Variants in CCDC172 observed in about 807,000 individuals in gnomAD.
CCDC172 encodes coiled-coil domain containing 172, also known as coiled-coil domain-containing protein 172.
Under a neutral mutation model 38.0 loss-of-function variants are expected in CCDC172, and 30 were observed. That is an observed-to-expected ratio of 0.79 (90% confidence interval 0.59 to 1.07). The LOEUF is 1.07. Among genes scored for constraint, CCDC172 ranks in the 50% least tolerant of loss-of-function variants. The probability of loss-of-function intolerance (pLI) is 0.00; values close to 1 mark genes in which losing one functional copy is unlikely to be tolerated. For missense variants in CCDC172, 297 were observed against 290.1 expected, an observed-to-expected ratio of 1.02 and a Z score of -0.17; for synonymous variants, 78 against 88.3, an observed-to-expected ratio of 0.88 and a Z score of 0.66.
chr10:116,357,544 C>T lies in CCDC172; in HGVS notation c.550+63C>T, dbSNP rs1226354236. On this transcript the variant is annotated intron_variant, in intron 6 of 8. Transcript: ENST00000333254. ...TATAGTTATATATGCATGATAAGGG[C>T]ATATTATTCTTTTAAAATATATTAA... 9 of 1,269,008 alleles carry T rather than the reference C, an allele frequency of 7.1e-6. No homozygotes were observed. In the South Asian group the frequency reaches 1.2e-4, roughly 16 times the overall value. 78.6% of individuals were successfully genotyped at this position (1,269,008 alleles called of 1,614,324 possible). A position where few individuals can be genotyped will look rare whatever the true frequency, so the allele number is the denominator to read the frequency against.
At chr10:116,378,885 T>C (rs1845280203) in intron 8 of CCDC172, among the ~76,000 whole-genome samples, 1 of 152,204 alleles carries the variant, frequency 6.6e-6, no homozygotes, top group South Asian at 2.1e-4. Flanking sequence ...AGGCATAAAT[T>C]ATACTTTTAT....
chr10:116,356,911 G>A (rs1386394025), intron 5 of CCDC172, among the ~76,000 whole-genome samples: 1 of 152,138 alleles, frequency 6.6e-6, no homozygotes, highest in Non-Finnish European at 1.5e-5. Flanking sequence ...TCCAGCTGGT[G>A]ATTAATAAGT....
At chr10:116,348,669 T>C (rs570297792) in intron 5 of CCDC172, among the ~76,000 whole-genome samples, 1 of 152,236 alleles carries the variant, frequency 6.6e-6, no homozygotes, top group South Asian at 2.1e-4. Flanking sequence ...TTATGTTCTG[T>C]TTAAATATGG....
At chr10:116,339,003 T>C (rs1310512365) in intron 3 of CCDC172, among the ~76,000 whole-genome samples, 1 of 152,036 alleles carries the variant, frequency 6.6e-6, no homozygotes, top group Non-Finnish European at 1.5e-5. Flanking sequence ...GCATTTTTTG[T>C]GGACATTCCT....
At chr10:116,330,934 C>G (rs1844655120) in intron 3 of CCDC172, among the ~76,000 whole-genome samples, 1 of 151,856 alleles carries the variant, frequency 6.6e-6, no homozygotes, top group Admixed American at 6.6e-5. Context: ...GAGACAGGGT[C>G]TTGCTATTTT....
At chr10:116,351,836 T>C (rs571076594) in intron 5 of CCDC172, among the ~76,000 whole-genome samples, 1 of 152,252 alleles carries the variant, frequency 6.6e-6, no homozygotes, top group African/African-American at 2.4e-5. Flanking sequence ...ACTTAAGCAA[T>C]GCAAAATGGT....
rs184014942 is a variant in CCDC172 at position 116,329,503 on chromosome 10, T to C, written c.165+4115T>C. 3.1e-3 allele frequency among the ~76,000 whole-genome samples: 474 copies of C among 152,254 alleles called. 2 individuals are homozygous for C. The highest frequency in any genetic ancestry group is 0.011 in the African/African-American group (444 of 41,562). Reference sequence around the variant, plus strand: ...CATGTGGGACTTTTAGTGCTAACACTAGGACAGCCCCATGCAAATCTTGAT... The same window carrying C: ...CATGTGGGACTTTTAGTGCTAACACCAGGACAGCCCCATGCAAATCTTGAT... On this transcript the variant is annotated intron_variant, in intron 3 of 8. Transcript: ENST00000333254.
Position 116,342,042 on chromosome 10 carries a change from A to T in CCDC172, c.289A>T (p.Ile97Leu), listed in dbSNP as rs866518323. 1 of 1,499,194 alleles carries T rather than the reference A, an allele frequency of 6.7e-7. No individual in the cohort carries two copies. The allele number at this position is 1,499,194 out of a possible 1,614,324, so 92.9% of individuals were successfully genotyped here. A position where few individuals can be genotyped will look rare whatever the true frequency, so the allele number is the denominator to read the frequency against. ...RNMLLQTFEA[I>L]KKQMIEEEDK... ...TTTTATTTATGTTTTTCAGGAGGCT[A>T]TAAAGAAACAAATGATAGAGGAGGA... Residue 97 changes from isoleucine to leucine, a missense_variant, in exon 5 of 9, where the codon ATA becomes TTA. Transcript: ENST00000333254.
chr10:116,350,501 A>G (rs1165177992), intron 5 of CCDC172, among the ~76,000 whole-genome samples: 3 of 152,234 alleles, frequency 2.0e-5, no homozygotes, highest in East Asian at 1.9e-4. Flanking sequence ...TTGATATTCA[A>G]TATATCTGTT....
intron 7 of CCDC172, among the ~76,000 whole-genome samples, chr10:116,370,724 A>T (rs1172836651): frequency 6.6e-6 from 1 of 151,410 alleles, no homozygotes; most frequent in Non-Finnish European, 1.5e-5. Context: ...ATTTTTTTCC[A>T]TATAAACTTT....
At position 116,327,674 on chromosome 10, in the gene CCDC172, T is replaced by C. The variant is rs373622463; in HGVS notation, c.165+2286T>C. Among the ~76,000 whole-genome samples the C allele has an allele frequency of 6.6e-4, 101 of 152,240 alleles. No individual in the cohort carries two copies. In the South Asian group the frequency reaches 8.9e-3, roughly 13 times the overall value. ...TTAACCAGCTCATATATGTGGGTAATAATACATTTGTATCTTACTAATAAA... is the reference window on the plus strand; with the variant it reads ...TTAACCAGCTCATATATGTGGGTAACAATACATTTGTATCTTACTAATAAA... On this transcript the variant is annotated intron_variant, in intron 3 of 8. Coordinates refer to ENST00000333254, the MANE Select transcript of CCDC172 (RefSeq NM_198515.3).
intron 7 of CCDC172, among the ~76,000 whole-genome samples, chr10:116,364,034 G>A (rs185753943): frequency 6.4e-4 from 97 of 151,960 alleles, no homozygotes; most frequent in Non-Finnish European, 1.1e-3. Flanking sequence ...TAGTCATTAT[G>A]ATAAACAAAG....
chr10:116,328,217 T>C (rs960527628), intron 3 of CCDC172, among the ~76,000 whole-genome samples: 2 of 152,088 alleles, frequency 1.3e-5, no homozygotes, highest in Non-Finnish European at 2.9e-5. Flanking sequence ...TTTTAAAATA[T>C]ATGGTTGCAA....
intron 7 of CCDC172, among the ~76,000 whole-genome samples, chr10:116,377,958 A>G (rs1845268138): frequency 6.6e-6 from 1 of 152,164 alleles, no homozygotes; most frequent in African/African-American, 2.4e-5. Context: ...AGGCAGGTGA[A>G]TCACTTGATG....
chr10:116,356,122 G>A (rs1174617303), intron 5 of CCDC172, among the ~76,000 whole-genome samples: 1 of 152,098 alleles, frequency 6.6e-6, no homozygotes, highest in Non-Finnish European at 1.5e-5. Context: ...CACGAGGTCA[G>A]GAGTTCGAGA....
In CCDC172 at chr10:116,358,586, T is replaced by G. The variant is rs140789749; in HGVS notation, c.653+648T>G. Among the ~76,000 whole-genome samples the G allele has an allele frequency of 5.8e-3, 887 of 152,238 alleles. 10 individuals are homozygous for G. The highest frequency in any genetic ancestry group is 0.018 in the African/African-American group (745 of 41,562). On this transcript the variant is annotated intron_variant, in intron 7 of 8. Transcript: ENST00000333254. ...AAAAGAAACCTCATTACTGGATCTA[T>G]GAAGAAGCAAATGAAGCCTTCTTTC...
intron 5 of CCDC172, among the ~76,000 whole-genome samples, chr10:116,354,282 TTATG>T (rs1844966924): frequency 6.6e-6 from 1 of 152,196 alleles, no homozygotes; most frequent in African/African-American, 2.4e-5. Context: ...TGTCACTGGT[TTATG>T]TATTATTATA....
chr10:116,327,439 A>G (rs1844605901), intron 3 of CCDC172, among the ~76,000 whole-genome samples: 1 of 152,038 alleles, frequency 6.6e-6, no homozygotes, highest in African/African-American at 2.4e-5. Context: ...GATATAATAT[A>G]TTTTTTAATG....
intron 5 of CCDC172, among the ~76,000 whole-genome samples, chr10:116,354,033 G>C (rs1346623816): frequency 1.3e-5 from 2 of 152,172 alleles, no homozygotes; most frequent in Admixed American, 6.5e-5. Flanking sequence ...ACAAGACCTT[G>C]TACAGTCGTG....
Sources: allele counts gnomAD v4.1 joint callset (sites outside exome capture counted in the v4.1 genomes callset), GRCh38; gene constraint gnomAD v4.1.1; transcripts MANE v1.5; gene names NCBI Gene and HGNC (gene_info 2026-07-23, HGNC 2026-07-21).